Variants in EXOC6B observed in about 807,000 individuals in gnomAD.
EXOC6B encodes the protein SEC15 homolog B.
Under a neutral mutation model 113.5 loss-of-function variants are expected in EXOC6B, and 54 were observed. That is an observed-to-expected ratio of 0.48 (90% CI 0.38 to 0.60). EXOC6B has a LOEUF of 0.60. EXOC6B is among the 20% of genes least tolerant of loss of function. The pLI, the probability that EXOC6B is intolerant of heterozygous loss-of-function variation, is 0.00. For missense variants in EXOC6B, 797 were observed against 977.5 expected (o/e 0.82, Z 2.46); for synonymous variants, 357 against 339.0 (o/e 1.05, Z -0.58).
Position 72,410,110 on chromosome 2 carries a change from T to C in EXOC6B, c.1981-30240A>G, listed in dbSNP as rs563983237. ...ATCCTTTGACTCTTCCCCAGAGTTC[T>C]GACAAAATTGGTTCTGACAGTTTCT... On this transcript the variant is annotated intron_variant, in intron 18 of 21. Coordinates refer to ENST00000272427, the MANE Select transcript of EXOC6B (RefSeq NM_015189.3). 7.3e-4 allele frequency among the ~76,000 whole-genome samples: 111 copies of C among 152,328 alleles called. 1 individual carries two copies. The highest frequency in any genetic ancestry group is 1.2e-3 in the Non-Finnish European group (84 of 68,030).
At chr2:72,198,141 C>T (rs1464715119) in intron 20 of EXOC6B, among the ~76,000 whole-genome samples, 30 of 152,098 alleles carry the variant, frequency 2.0e-4, no homozygotes. Context: ...ACAAAGAGGA[C>T]ATAGGGCCAA....
At chr2:72,686,422 G>A (rs1394080769) in intron 6 of EXOC6B, among the ~76,000 whole-genome samples, 1 of 152,180 alleles carries the variant, frequency 6.6e-6, no homozygotes, top group Non-Finnish European at 1.5e-5. Context: ...TACTCTCTTA[G>A]AGAAGAAGTA....
chr2:72,561,595 A>G (rs972076053), intron 7 of EXOC6B, among the ~76,000 whole-genome samples: 4 of 152,142 alleles, frequency 2.6e-5, no homozygotes, highest in Non-Finnish European at 5.9e-5. Context: ...TTGTAGAATG[A>G]ACATCTAAAT....
chr2:72,644,795 A>C (rs2104367801), intron 6 of EXOC6B, among the ~76,000 whole-genome samples: 1 of 152,354 alleles, frequency 6.6e-6, no homozygotes, highest in South Asian at 2.1e-4. Context: ...GAAGCACTAA[A>C]CATGGAAAGG....
chr2:72,622,970 C>T (rs1407068404), intron 6 of EXOC6B, among the ~76,000 whole-genome samples: 1 of 151,980 alleles, frequency 6.6e-6, no homozygotes, highest in African/African-American at 2.4e-5. Context: ...CCCTAGGATC[C>T]AATCAAGATA....
intron 6 of EXOC6B, among the ~76,000 whole-genome samples, chr2:72,602,328 C>T (rs545291944): frequency 1.4e-3 from 213 of 152,190 alleles, no homozygotes; most frequent in African/African-American, 5.0e-3. Flanking sequence ...TTCTCAGTAG[C>T]CATAATGTTT....
chr2:72,196,134 A>T (rs1333144706), intron 20 of EXOC6B, among the ~76,000 whole-genome samples: 1 of 152,208 alleles, frequency 6.6e-6, no homozygotes, highest in African/African-American at 2.4e-5. Flanking sequence ...AAAACTTTGG[A>T]GACACTGGGT....
At chr2:72,567,813 A>C (rs1189690937) in intron 7 of EXOC6B, among the ~76,000 whole-genome samples, 1 of 152,118 alleles carries the variant, frequency 6.6e-6, no homozygotes, top group African/African-American at 2.4e-5. Flanking sequence ...CCATGTGCCC[A>C]TACTAACACT....
intron 6 of EXOC6B, among the ~76,000 whole-genome samples, chr2:72,711,454 A>C (rs1037141836): frequency 6.6e-6 from 1 of 152,156 alleles, no homozygotes; most frequent in Non-Finnish European, 1.5e-5. Context: ...TAAAAATATG[A>C]CTGCTTAACT....
chr2:72,429,362 C>A (rs371245947), intron 18 of EXOC6B, among the ~76,000 whole-genome samples: 29 of 152,114 alleles, frequency 1.9e-4, no homozygotes, highest in African/African-American at 6.8e-4. Flanking sequence ...TTAAGTAAGT[C>A]CTGATCAAAG....
At chr2:72,777,137 A>T (rs1683754938) in intron 1 of EXOC6B, among the ~76,000 whole-genome samples, 1 of 152,152 alleles carries the variant, frequency 6.6e-6, no homozygotes, top group Admixed American at 6.5e-5. Context: ...GCTACTTGGG[A>T]GGCTAAGGCA....
At chr2:72,325,020 T>C (rs551023488) in intron 20 of EXOC6B, among the ~76,000 whole-genome samples, 1 of 152,290 alleles carries the variant, frequency 6.6e-6, no homozygotes, top group African/African-American at 2.4e-5. Flanking sequence ...TTTTCTTTTC[T>C]ACTGTATATT....
At chr2:72,516,969 A>C (rs1322432764) in intron 8 of EXOC6B, among the ~76,000 whole-genome samples, 2 of 152,236 alleles carry the variant, frequency 1.3e-5, no homozygotes, top group Non-Finnish European at 2.9e-5. Context: ...TGCCTTCCTG[A>C]AAAATTGAAG....
chr2:72,787,212 T>C (rs1402382056), intron 1 of EXOC6B, among the ~76,000 whole-genome samples: 1 of 151,904 alleles, frequency 6.6e-6, no homozygotes, highest in Non-Finnish European at 1.5e-5. Flanking sequence ...TTTTTATTTT[T>C]ATTTTTTATT....
intron 18 of EXOC6B, among the ~76,000 whole-genome samples, chr2:72,432,623 T>C (rs758337601): frequency 1.6e-4 from 25 of 152,304 alleles, no homozygotes; most frequent in South Asian, 6.2e-4. Context: ...CCATTCTAAC[T>C]GGCATGAGAT....
intron 11 of EXOC6B, among the ~76,000 whole-genome samples, chr2:72,503,448 A>G (rs116390899): frequency 0.027 from 4,102 of 152,300 alleles, 181 homozygotes; most frequent in African/African-American, 0.094. Context: ...ATCATATAGT[A>G]TGTAGCCTTT....
chr2:72,567,856 T>C (rs1704278796), intron 7 of EXOC6B, among the ~76,000 whole-genome samples: 1 of 152,098 alleles, frequency 6.6e-6, no homozygotes, highest in Non-Finnish European at 1.5e-5. Flanking sequence ...GAAAGTTTTT[T>C]ATAGAAGAAT....
chr2:72,486,883 C>A (rs916056558), intron 16 of EXOC6B, among the ~76,000 whole-genome samples: 1 of 151,434 alleles, frequency 6.6e-6, no homozygotes, highest in Non-Finnish European at 1.5e-5. Context: ...AAAAAAAAAA[C>A]CTGTCTTAAC....
chr2:72,661,541 A>T (rs543292577), intron 6 of EXOC6B, among the ~76,000 whole-genome samples: 1 of 152,268 alleles, frequency 6.6e-6, no homozygotes. Context: ...ATATGAAATA[A>T]TTGATATGAA....
Sources: allele counts gnomAD v4.1 joint callset (sites outside exome capture counted in the v4.1 genomes callset), GRCh38; gene constraint gnomAD v4.1.1; transcripts MANE v1.5; gene names NCBI Gene and HGNC (gene_info 2026-07-23, HGNC 2026-07-21).